Variants in WWP2 observed in about 807,000 individuals in gnomAD.
WWP2 encodes WW domain containing E3 ubiquitin protein ligase 2, also known as NEDD4-like E3 ubiquitin-protein ligase WWP2.
In WWP2, 57 loss-of-function variants were observed where a neutral mutation model predicts 121.0. The observed-to-expected ratio is 0.47, with a 90% confidence interval of 0.38 to 0.59. The LOEUF (loss-of-function observed/expected upper bound fraction) is 0.59, where lower values mean the gene tolerates loss of function less well. Ranked by LOEUF, WWP2 falls within the 20% of genes least tolerant of loss-of-function variation. The pLI is 0.00. For missense variants in WWP2, 962 were observed against 1,158.9 expected (o/e 0.83, Z 2.47); for synonymous variants, 449 against 441.3 (o/e 1.02, Z -0.22).
intron 4 of WWP2, among the ~76,000 whole-genome samples, chr16:69,813,818 TG>T (rs1341051028): frequency 6.6e-6 from 1 of 152,182 alleles, no homozygotes; most frequent in Non-Finnish European, 1.5e-5. Flanking sequence ...GGCCAGTGGC[TG>T]CCTCTTCAAG....
chr16:69,769,764 C>G (rs1370185092), intron 1 of WWP2, among the ~76,000 whole-genome samples: 1 of 152,008 alleles, frequency 6.6e-6, no homozygotes, highest in Non-Finnish European at 1.5e-5. Flanking sequence ...GATGAGAAAA[C>G]TGAGATTTAG....
intron 4 of WWP2, among the ~76,000 whole-genome samples, chr16:69,822,002 A>G (rs928806009): frequency 6.6e-6 from 1 of 151,900 alleles, no homozygotes; most frequent in African/African-American, 2.4e-5. Context: ...CCGAGTAGCT[A>G]AGACCAGAAA....
chr16:69,913,548 AGAT>A (rs1296911469), intron 9 of WWP2, among the ~76,000 whole-genome samples: 1 of 152,034 alleles, frequency 6.6e-6, no homozygotes, highest in Non-Finnish European at 1.5e-5. Flanking sequence ...AAACAGCCAA[AGAT>A]GAGCAGACAG....
At chr16:69,850,611 C>T (rs567329547) in intron 6 of WWP2, among the ~76,000 whole-genome samples, 14 of 152,146 alleles carry the variant, frequency 9.2e-5, no homozygotes, top group Non-Finnish European at 1.9e-4. Context: ...GCCAGACCGA[C>T]GAAGTGGGGT....
chr16:69,939,278 G>T (rs2058844766), intron 22 of WWP2, 63 bp from the exon 23 acceptor site: 5 of 1,604,072 alleles, frequency 3.1e-6, no homozygotes, highest in Non-Finnish European at 4.3e-6. Flanking sequence ...GGTGGAGCCG[G>T]AGGATCCTGC....
chr16:69,921,772 G>A (rs192729212), intron 10 of WWP2, among the ~76,000 whole-genome samples: 73 of 152,234 alleles, frequency 4.8e-4, no homozygotes, highest in Non-Finnish European at 7.2e-4. Context: ...TCTCTCTGCA[G>A]TATTGAAACA....
chr16:69,931,554 A>G lies in WWP2; in HGVS notation c.1567A>G (p.Thr523Ala), dbSNP rs761056397. The G allele has an allele frequency of 1.2e-5, 19 of 1,613,538 alleles. No homozygotes were observed. The African/African-American group carries it at 2.5e-4, about 22-fold the overall frequency. The change falls in exon 15 of 24, where the codon ACG becomes GCG. Residue 523 changes from threonine (T) to alanine (A), a missense_variant. Physicochemically the swap from Thr to Ala is moderately conservative, Grantham distance 58. This residue lies in a region of WWP2 where 606 missense variants were observed against 772.6 expected (regional missense o/e 0.78). Transcript: ENST00000359154. ...CGTGAAGATCAGCGTTTCCAGGCAG[A>G]CGCTTTTCGAAGATTCCTTCCAACA... ...SHVKISVSRQ[T>A]LFEDSFQQIM...
intron 9 of WWP2, among the ~76,000 whole-genome samples, chr16:69,916,370 A>G (rs2058479622): frequency 6.6e-6 from 1 of 152,148 alleles, no homozygotes; most frequent in South Asian, 2.1e-4. Flanking sequence ...CTAATTTTTA[A>G]AAAATATTTT....
intron 1 of WWP2, among the ~76,000 whole-genome samples, chr16:69,765,037 C>T (rs1051964796): frequency 1.1e-4 from 17 of 152,032 alleles, no homozygotes; most frequent in Non-Finnish European, 8.8e-5. Context: ...AACCCTGTCT[C>T]TACAAAAAAT....
intron 4 of WWP2, among the ~76,000 whole-genome samples, chr16:69,820,586 G>T (rs148290400): frequency 7.7e-6 from 1 of 129,738 alleles, no homozygotes; most frequent in Non-Finnish European, 1.8e-5. Flanking sequence ...CACACGTATT[G>T]TATATTGTGG....
intron 1 of WWP2, among the ~76,000 whole-genome samples, chr16:69,778,192 A>ATATATT (rs1555544415): frequency 2.3e-4 from 29 of 125,626 alleles, no homozygotes; most frequent in East Asian, 6.9e-4. Flanking sequence ...ATATATATAT[A>ATATATT]TTTTTTTTTT....
intron 4 of WWP2, among the ~76,000 whole-genome samples, chr16:69,827,547 T>A (rs1174186713): frequency 6.6e-6 from 1 of 152,246 alleles, no homozygotes; most frequent in Admixed American, 6.5e-5. Flanking sequence ...GGAATTTTTT[T>A]AAAAGCAGAA....
rs2058861785 is a variant in WWP2, at chr16:69,940,183, C to A, written c.*243C>A. On this transcript the variant is annotated 3_prime_UTR_variant, in exon 24 of 24. Transcript: ENST00000359154. ...CCTTTGGCCCCACCTTTGCAAAGTT[C>A]CAGAGGGCTGACCCTCTCTGCAAAA... The A allele has an allele frequency of 1.8e-6, 1 of 550,580 alleles. No homozygotes were observed. Among genetic ancestry groups the A allele is most frequent in the African/African-American group, 1.9e-5 (1 of 53,040 alleles). 34.1% of individuals were successfully genotyped at this position (550,580 alleles called of 1,614,324 possible). A position where few individuals can be genotyped will look rare whatever the true frequency, so the allele number is the denominator to read the frequency against.
chr16:69,840,970 T>C (rs1348227388), intron 5 of WWP2, among the ~76,000 whole-genome samples: 1 of 152,238 alleles, frequency 6.6e-6, no homozygotes, highest in Non-Finnish European at 1.5e-5. Flanking sequence ...GGAATCTCAG[T>C]GGCCGGATGG....
At position 69,799,386 on chromosome 16, in the gene WWP2, C is replaced by CTAGGTA; in HGVS notation, c.340+95_340+96insTATAGG. On this transcript the variant is annotated intron_variant, in intron 4 of 23. Transcript: ENST00000359154. The surrounding 1 kb of genome is among the most constrained non-coding windows in gnomAD (Gnocchi z 4.5). ...CCTGGTATTGCAATTTCCCCCAGGA[C>CTAGGTA]TAGGGGCTGCAGTACCTCTGTTCTC... The CTAGGTA allele has an allele frequency of 1.3e-6, 2 of 1,513,774 alleles. No individual in the cohort carries two copies. Among genetic ancestry groups the CTAGGTA allele is most frequent in the Non-Finnish European group, 1.8e-6 (2 of 1,127,228 alleles). The allele number at this position is 1,513,774 out of a possible 1,614,324, so 93.8% of individuals were successfully genotyped here. A position where few individuals can be genotyped will look rare whatever the true frequency, so the allele number is the denominator to read the frequency against.
At chr16:69,778,173 A>AATATATAT (rs1199845166) in intron 1 of WWP2, among the ~76,000 whole-genome samples, 2 of 118,028 alleles carry the variant, frequency 1.7e-5, no homozygotes, top group African/African-American at 3.2e-5. Flanking sequence ...ACTATAAATA[A>AATATATAT]ATATATATAT....
At chr16:69,828,305 C>G (rs1199445968) in intron 4 of WWP2, among the ~76,000 whole-genome samples, 2 of 152,150 alleles carry the variant, frequency 1.3e-5, no homozygotes, top group African/African-American at 4.8e-5. Flanking sequence ...TCTTGATCTT[C>G]CTCCCATCTC....
chr16:69,883,176 G>A (rs2057861131), intron 7 of WWP2, among the ~76,000 whole-genome samples: 1 of 151,874 alleles, frequency 6.6e-6, no homozygotes, highest in East Asian at 1.9e-4. Flanking sequence ...AATTAATACA[G>A]CAATTCTGTA....
intron 8 of WWP2, among the ~76,000 whole-genome samples, chr16:69,903,892 G>A (rs1330277557): frequency 6.6e-6 from 1 of 152,104 alleles, no homozygotes; most frequent in African/African-American, 2.4e-5. Context: ...TTTCCAAATA[G>A]TGACTGAAAA....
Sources: allele counts gnomAD v4.1 joint callset (sites outside exome capture counted in the v4.1 genomes callset), GRCh38; gene constraint gnomAD v4.1.1; regional missense constraint gnomAD v4.1.1; non-coding constraint Gnocchi (gnomAD v3.1); transcripts MANE v1.5; gene names NCBI Gene and HGNC (gene_info 2026-07-23, HGNC 2026-07-21).